PTPRD: variants seen among roughly 807,000 people sequenced by gnomAD.
PTPRD encodes the protein receptor-type tyrosine-protein phosphatase delta.
In PTPRD, 34 loss-of-function variants were observed where a neutral mutation model predicts 214.5. The ratio of observed to expected loss-of-function variants is 0.16; its 90% CI spans 0.12 to 0.21. PTPRD has a LOEUF of 0.21. Among genes scored for constraint, PTPRD ranks in the 10% least tolerant of loss-of-function variants. PTPRD has a pLI of 1.00. For synonymous variants in PTPRD, 1,128 were observed against 845.7 expected (o/e 1.33, Z -5.79); for missense variants, 2,545 against 2,398.7 (o/e 1.06, Z -1.27).
intron 5 of PTPRD, among the ~76,000 whole-genome samples, chr9:9,777,679 A>T (rs1249564067): frequency 1.3e-5 from 2 of 152,202 alleles, no homozygotes; most frequent in African/African-American, 4.8e-5. Flanking sequence ...TGTGCGCAAC[A>T]GAGTGAGCCT....
At chr9:8,663,069 A>G (rs2097096568) in intron 12 of PTPRD, among the ~76,000 whole-genome samples, 1 of 152,156 alleles carries the variant, frequency 6.6e-6, no homozygotes, top group Non-Finnish European at 1.5e-5. Flanking sequence ...CTGGTATAAA[A>G]AGTCAAATAC....
chr9:8,852,060 TA>T (rs35284027), intron 11 of PTPRD, among the ~76,000 whole-genome samples: 121,990 of 150,858 alleles, frequency 0.81, 49,559 homozygotes, highest in African/African-American at 0.9. Flanking sequence ...ACTAACGGTT[TA>T]AAAAAAAAAA....
chr9:10,150,579 A>G (rs915862859), intron 3 of PTPRD, among the ~76,000 whole-genome samples: 4 of 152,076 alleles, frequency 2.6e-5, no homozygotes, highest in African/African-American at 9.7e-5. Context: ...GTTAATGTGC[A>G]GCACACCAGC....
chr9:9,038,277 G>A (rs1446291893), intron 10 of PTPRD, among the ~76,000 whole-genome samples: 1 of 152,106 alleles, frequency 6.6e-6, no homozygotes, highest in East Asian at 1.9e-4. Flanking sequence ...GCCCAGATGG[G>A]CAGCTGGGAC....
chr9:9,244,589 A>G (rs912935802), intron 9 of PTPRD, among the ~76,000 whole-genome samples: 55 of 152,292 alleles, frequency 3.6e-4, no homozygotes, highest in Non-Finnish European at 6.3e-4. Flanking sequence ...GCCATACGTA[A>G]AAAGCTGAAA....
intron 4 of PTPRD, among the ~76,000 whole-genome samples, chr9:9,978,727 A>G (rs190399321): frequency 4.1e-5 from 6 of 147,502 alleles, no homozygotes; most frequent in South Asian, 2.1e-4. Flanking sequence ...AAAGCACACT[A>G]TAGATCCAAG....
intron 8 of PTPRD, among the ~76,000 whole-genome samples, chr9:9,520,562 G>A (rs183521745): frequency 6.6e-5 from 10 of 152,070 alleles, no homozygotes; most frequent in African/African-American, 1.9e-4. Flanking sequence ...TTTTATGCTC[G>A]TTTGCTTGCT....
At chr9:9,590,367 T>C (rs947892970) in intron 7 of PTPRD, among the ~76,000 whole-genome samples, 5 of 152,036 alleles carry the variant, frequency 3.3e-5, no homozygotes, top group African/African-American at 9.7e-5. Flanking sequence ...AATAAATGTT[T>C]ATAAAACTCT....
At chr9:9,153,422 GATAA>G (rs1420886386) in intron 10 of PTPRD, among the ~76,000 whole-genome samples, 6 of 152,092 alleles carry the variant, frequency 3.9e-5, no homozygotes, top group African/African-American at 9.7e-5. Flanking sequence ...GTGTTAAGGT[GATAA>G]ATAACATATT....
intron 12 of PTPRD, among the ~76,000 whole-genome samples, chr9:8,706,289 C>T (rs1331640435): frequency 6.6e-6 from 1 of 152,130 alleles, no homozygotes; most frequent in Non-Finnish European, 1.5e-5. Flanking sequence ...TGATATTTAT[C>T]CCAAGGTAAA....
At chr9:8,323,743 C>G (rs10815819) in intron 44 of PTPRD, among the ~76,000 whole-genome samples, 37,032 of 152,002 alleles carry the variant, frequency 0.24, 5,244 homozygotes, top group East Asian at 0.38. Flanking sequence ...ATGGAATATA[C>G]TCATGAAGAT....
chr9:10,332,902 T>C (rs1565353346), intron 3 of PTPRD, among the ~76,000 whole-genome samples: 1 of 151,856 alleles, frequency 6.6e-6, no homozygotes, highest in Non-Finnish European at 1.5e-5. Context: ...CTTTCCAAGC[T>C]CTACTGATCA....
At chr9:9,751,695 T>C (rs1350609852) in intron 6 of PTPRD, among the ~76,000 whole-genome samples, 3 of 152,068 alleles carry the variant, frequency 2.0e-5, no homozygotes, top group Non-Finnish European at 4.4e-5. Context: ...ATTGGAATGA[T>C]ATATCTACTA....
intron 11 of PTPRD, among the ~76,000 whole-genome samples, chr9:8,997,718 T>C (rs1451510162): frequency 6.6e-6 from 1 of 152,054 alleles, no homozygotes; most frequent in East Asian, 1.9e-4. Context: ...TGATTAGGCT[T>C]GATGAGGAAG....
chr9:10,291,754 C>T lies in PTPRD; in HGVS notation c.-545+49209G>A, dbSNP rs115107840. On this transcript the variant is annotated intron_variant, in intron 3 of 45. Transcript: ENST00000381196. ...CAGACTTCTGGACTCCAGGACTGTA[C>T]AAAAATAATTTTGTGCTGTTTTAAG... is the stretch of plus-strand genomic sequence containing the variant. 4.8e-3 allele frequency among the ~76,000 whole-genome samples: 725 copies of T among 152,126 alleles called. 5 individuals carry two copies. Among genetic ancestry groups the T allele is most frequent in the African/African-American group, 0.017 (707 of 41,516 alleles).
intron 10 of PTPRD, among the ~76,000 whole-genome samples, chr9:9,182,158 T>G (rs951970429): frequency 6.6e-6 from 1 of 152,038 alleles, no homozygotes. Flanking sequence ...GAAATAAATT[T>G]ACTACAATCT....
intron 11 of PTPRD, among the ~76,000 whole-genome samples, chr9:8,994,172 C>T (rs2099387840): frequency 6.6e-6 from 1 of 152,114 alleles, no homozygotes; most frequent in South Asian, 2.1e-4. Context: ...CTCTTTCTGT[C>T]TCAGTCTCCC....
At chr9:9,105,779 T>C (rs1024450736) in intron 10 of PTPRD, among the ~76,000 whole-genome samples, 3 of 152,206 alleles carry the variant, frequency 2.0e-5, no homozygotes, top group African/African-American at 7.2e-5. Flanking sequence ...AAAGTGAAAT[T>C]GATGTGGCTT....
At chr9:10,471,886 T>C (rs1456055426) in intron 2 of PTPRD, among the ~76,000 whole-genome samples, 2 of 151,980 alleles carry the variant, frequency 1.3e-5, no homozygotes. Context: ...TGAACAAAAA[T>C]AGCAAACCAA....
Sources: allele counts gnomAD v4.1 joint callset (sites outside exome capture counted in the v4.1 genomes callset), GRCh38; gene constraint gnomAD v4.1.1; transcripts MANE v1.5; gene names NCBI Gene and HGNC (gene_info 2026-07-23, HGNC 2026-07-21).